LIN28B: variants seen among roughly 807,000 people sequenced by gnomAD.
LIN28B encodes protein lin-28 homolog B.
A neutral mutation model predicts 21.9 loss-of-function variants in LIN28B; 5 were observed. The observed-to-expected ratio is 0.23, with a 90% confidence interval of 0.12 to 0.48. The LOEUF (loss-of-function observed/expected upper bound fraction) is 0.48. Ranked by LOEUF, LIN28B falls within the 20% of genes least tolerant of loss-of-function variation. LIN28B has a pLI of 0.98. For missense variants in LIN28B, 245 were observed against 310.5 expected, an observed-to-expected ratio of 0.79 and a Z score of 1.58; for synonymous variants, 109 against 111.3, an observed-to-expected ratio of 0.98 and a Z score of 0.13.
At chr6:104,937,762 GGTAA>G (rs1449014014) in intron 2 of LIN28B, among the ~76,000 whole-genome samples, 1 of 151,978 alleles carries the variant, frequency 6.6e-6, no homozygotes, top group Non-Finnish European at 1.5e-5. Context: ...TAAAGGTCTT[GGTAA>G]GTATTTCCTT....
At position 105,082,014 on chromosome 6, in the gene LIN28B, C is replaced by A. The variant is rs1017482190; in HGVS notation, c.*3231C>A. 10 of 152,548 alleles carry A rather than the reference C, an allele frequency of 6.6e-5. No individual in the cohort carries two copies. Among genetic ancestry groups the A allele is most frequent in the Admixed American group, 6.5e-4 (10 of 15,270 alleles). 9.4% of individuals were successfully genotyped at this position (152,548 alleles called of 1,614,324 possible). On this transcript the variant is annotated 3_prime_UTR_variant, in exon 4 of 4. Coordinates refer to ENST00000345080, the MANE Select transcript of LIN28B (RefSeq NM_001004317.4). ...GTCTGTGAATTAAGTTATCTCTTGACCTCACCCTCATGTCAACACAAATGT... is the reference window on the plus strand; with the variant it reads ...GTCTGTGAATTAAGTTATCTCTTGAACTCACCCTCATGTCAACACAAATGT...
intron 2 of LIN28B, among the ~76,000 whole-genome samples, chr6:104,960,341 G>A (rs1769707738): frequency 6.6e-6 from 1 of 152,108 alleles, no homozygotes; most frequent in African/African-American, 2.4e-5. Flanking sequence ...TATTATGTGT[G>A]CATCACTTAT....
chr6:105,021,391 G>T (rs1329084929), intron 2 of LIN28B, among the ~76,000 whole-genome samples: 1 of 151,964 alleles, frequency 6.6e-6, no homozygotes, highest in Non-Finnish European at 1.5e-5. Context: ...CCCAGTAGTG[G>T]GATTGCTAAA....
intron 2 of LIN28B, among the ~76,000 whole-genome samples, chr6:104,973,703 A>G (rs995342382): frequency 6.6e-6 from 1 of 152,230 alleles, no homozygotes; most frequent in African/African-American, 2.4e-5. Flanking sequence ...AATTTATTCT[A>G]ATTACTTTAG....
chr6:104,991,794 C>T (rs1049613168), intron 2 of LIN28B, among the ~76,000 whole-genome samples: 6 of 152,200 alleles, frequency 3.9e-5, no homozygotes, highest in African/African-American at 1.4e-4. Context: ...GCAGATCACT[C>T]GCGGTTAGGA....
rs547588137 is a variant in LIN28B at position 104,977,679 on chromosome 6, T to A, written c.198+19393T>A. 2.0e-5 allele frequency among the ~76,000 whole-genome samples: 3 copies of A among 152,256 alleles called. No individual in the cohort carries two copies. In the South Asian group the frequency reaches 6.2e-4, roughly 32 times the overall value. ...ACCTCCCAGGTTCAAGTGATTCTCC[T>A]GCCTCAGCCTCCCAAGTGGCTGGGA... On this transcript the variant is annotated intron_variant, in intron 2 of 3. Coordinates refer to ENST00000345080, the MANE Select transcript of LIN28B (RefSeq NM_001004317.4).
intron 2 of LIN28B, chr6:104,941,371 A>C (rs1021905487): frequency 2.0e-5 from 3 of 150,058 alleles, no homozygotes; most frequent in Non-Finnish European, 4.5e-5. Flanking sequence ...CGGTGTGGGC[A>C]CTGCGTTGCC....
chr6:105,060,703 TGCTTTTTCCATTTCTTTGA>T (rs1772108383), intron 3 of LIN28B, among the ~76,000 whole-genome samples: 1 of 152,200 alleles, frequency 6.6e-6, no homozygotes, highest in Non-Finnish European at 1.5e-5. Flanking sequence ...TTTTCAATAG[TGCTTTTTCCATTTCTTTGA>T]GCCAACCAGG....
chr6:105,078,604 C>T lies in LIN28B; in HGVS notation c.574C>T (p.Pro192Ser). ...ATCCCAGCCATGCACTTCAACTCTC[C>T]CTCGAGAAGTGGGAGGCGGGCATGG... ...AESQPCTSTLPREVGGGHGCT... is the reference protein window; with the variant it reads ...AESQPCTSTLSREVGGGHGCT... Residue 192 changes from proline (P) to serine (S), a missense_variant, in exon 4 of 4, where the codon CCT becomes TCT. By Grantham distance (74) the Pro-to-Ser change is moderately conservative. Transcript: ENST00000345080. The T allele has an allele frequency of 6.2e-7, 1 of 1,614,098 alleles. No homozygotes were observed. The highest frequency in any genetic ancestry group is 8.5e-7 in the Non-Finnish European group (1 of 1,180,018).
chr6:105,019,194 C>T (rs1419368573), intron 2 of LIN28B, among the ~76,000 whole-genome samples: 2 of 152,150 alleles, frequency 1.3e-5, no homozygotes, highest in African/African-American at 2.4e-5. Context: ...GCAATCCAGC[C>T]GCCTCAGCCT....
chr6:104,971,131 C>T (rs1396915123), intron 2 of LIN28B, among the ~76,000 whole-genome samples: 1 of 151,978 alleles, frequency 6.6e-6, no homozygotes, highest in East Asian at 1.9e-4. Context: ...ACAATAGTTT[C>T]AAAAATAGTA....
Position 105,079,061 on chromosome 6 carries a change from T to C in LIN28B, c.*278T>C. The C allele has an allele frequency of 6.1e-6, 2 of 327,720 alleles. 1 individual carries two copies. Among genetic ancestry groups the C allele is most frequent in the South Asian group, 1.1e-4 (2 of 18,228 alleles). 20.3% of individuals were successfully genotyped at this position (327,720 alleles called of 1,614,324 possible). A position where few individuals can be genotyped will look rare whatever the true frequency, so the allele number is the denominator to read the frequency against. On this transcript the variant is annotated 3_prime_UTR_variant, in exon 4 of 4. Transcript: ENST00000345080. The stretch of plus-strand genomic sequence containing the variant: ...CTGTGTGTGTACATGAGGATTTTTA[T>C]ATAGGAATGTAGACACATATATAAA...
chr6:104,958,428 C>T (rs1769628123), intron 2 of LIN28B, 142 bp downstream of exon 2: 2 of 580,708 alleles, frequency 3.4e-6, no homozygotes, highest in Non-Finnish European at 5.8e-6. Flanking sequence ...GGTAGTCCAA[C>T]GTTTAGGGTA....
intron 2 of LIN28B, among the ~76,000 whole-genome samples, chr6:104,983,598 C>T (rs958438938): frequency 2.6e-5 from 4 of 152,078 alleles, no homozygotes; most frequent in Non-Finnish European, 4.4e-5. Flanking sequence ...GTTTTGGAGA[C>T]GGAGTTTCGC....
intron 3 of LIN28B, among the ~76,000 whole-genome samples, chr6:105,068,683 A>T (rs1340964613): frequency 6.6e-6 from 1 of 152,170 alleles, no homozygotes; most frequent in Non-Finnish European, 1.5e-5. Flanking sequence ...TTTTTATTTG[A>T]TAATACTGAG....
At chr6:105,069,238 CAAAA>C (rs958150524) in intron 3 of LIN28B, among the ~76,000 whole-genome samples, 1 of 151,798 alleles carries the variant, frequency 6.6e-6, no homozygotes, top group African/African-American at 2.4e-5. Flanking sequence ...ACAAAACAAA[CAAAA>C]AAACAGAATT....
chr6:104,956,393 C>A (rs1245271307), upstream of LIN28B, among the ~76,000 whole-genome samples: 1 of 152,178 alleles, frequency 6.6e-6, no homozygotes, highest in Non-Finnish European at 1.5e-5. Context: ...CTGTGAAGTA[C>A]AATTCCTTAC....
chr6:105,018,461 G>T (rs878980311), intron 2 of LIN28B, among the ~76,000 whole-genome samples: 14 of 152,014 alleles, frequency 9.2e-5, no homozygotes, highest in African/African-American at 2.9e-4. Context: ...AGTTTCGACT[G>T]CTGTCTTCAA....
intron 3 of LIN28B, among the ~76,000 whole-genome samples, chr6:105,055,919 CTTTTTTTTTTT>C (rs71006633): frequency 1.2e-5 from 1 of 83,376 alleles, no homozygotes; most frequent in African/African-American, 4.6e-5. Flanking sequence ...CCATGCCTGG[CTTTTTTTTTTT>C]TTTTTTTTTT....
Sources: allele counts gnomAD v4.1 joint callset (sites outside exome capture counted in the v4.1 genomes callset), GRCh38; gene constraint gnomAD v4.1.1; transcripts MANE v1.5; gene names NCBI Gene and HGNC (gene_info 2026-07-23, HGNC 2026-07-21).